Variants in TPST2 observed in about 807,000 individuals in gnomAD.
TPST2 encodes the protein tyrosylprotein sulfotransferase 2.
TPST2 carries 16 observed loss-of-function variants against 27.8 expected under a neutral mutation model. The ratio of observed to expected loss-of-function variants is 0.58; its 90% confidence interval spans 0.39 to 0.88. The LOEUF (loss-of-function observed/expected upper bound fraction) is 0.88. Ranked by LOEUF, TPST2 falls within the 40% of genes least tolerant of loss-of-function variation. The probability of loss-of-function intolerance (pLI) is 0.00; values close to 1 mark genes in which losing one functional copy is unlikely to be tolerated. For missense variants in TPST2, 464 were observed against 543.1 expected, an observed-to-expected ratio of 0.85 and a Z score of 1.45; for synonymous variants, 229 against 231.7, an observed-to-expected ratio of 0.99 and a Z score of 0.10.
rs985508736 is a variant in TPST2, at chr22:26,524,436, G to C, written c.*1839C>G. ...ATGGGAGGATCACCTGACCCTAGGAGACCGAGGCTGCAGTGAGCTATGATC... is the reference window on the plus strand; with the variant it reads ...ATGGGAGGATCACCTGACCCTAGGACACCGAGGCTGCAGTGAGCTATGATC... On this transcript the variant is annotated 3_prime_UTR_variant, in exon 7 of 7. Transcript: ENST00000338754. The C allele has an allele frequency of 1.3e-5, 2 of 152,270 alleles. No homozygotes were observed. Among genetic ancestry groups the C allele is most frequent in the Non-Finnish European group, 2.9e-5 (2 of 68,090 alleles). 9.4% of individuals were successfully genotyped at this position (152,270 alleles called of 1,614,324 possible).
intron 1 of TPST2, among the ~76,000 whole-genome samples, chr22:26,566,773 A>G (rs996481728): frequency 1.7e-4 from 26 of 151,990 alleles, no homozygotes; most frequent in Admixed American, 1.7e-3. Flanking sequence ...ATAAACAAAC[A>G]AACAAACAAA....
At chr22:26,572,028 G>A (rs967708091) in intron 1 of TPST2, among the ~76,000 whole-genome samples, 10 of 152,010 alleles carry the variant, frequency 6.6e-5, no homozygotes, top group Non-Finnish European at 1.0e-4. Context: ...ATTTCTTCAC[G>A]TGGCTTAGAG....
rs1165122304 is a variant in TPST2 at position 26,541,579 on chromosome 22, G to A, written c.52C>T (p.Leu18=). Residue 18 remains leucine (L), a synonymous_variant, in exon 3 of 7, where the codon CTG becomes TTG. Transcript: ENST00000338754. This position sits in a 1 kb window ranked among gnomAD's most constrained non-coding sequence, Gnocchi z 5.9. The stretch of plus-strand genomic sequence containing the variant: ...TGTCCCAGCTGAACCGCCAGCACCA[G>A]GACCAGGGCGCAGCCGGCTGCCAGC... The part of the protein sequence containing the change: ...VLLAAGCALV[L]VLAVQLGQQV... The A allele has an allele frequency of 3.7e-6, 6 of 1,606,552 alleles. No individual in the cohort carries two copies. The highest frequency in any genetic ancestry group is 4.2e-6 in the Non-Finnish European group (5 of 1,178,018).
chr22:26,581,050 A>G (rs927044277), intron 1 of TPST2, among the ~76,000 whole-genome samples: 112 of 62,624 alleles, frequency 1.8e-3, no homozygotes, highest in Admixed American at 8.2e-3. Context: ...ACACACACAC[A>G]CACGCACACA....
chr22:26,543,874 T>C (rs760237094), intron 2 of TPST2, among the ~76,000 whole-genome samples: 3 of 152,170 alleles, frequency 2.0e-5, no homozygotes, highest in African/African-American at 7.2e-5. Context: ...GAAAGCAGCC[T>C]GGAACCCACA....
chr22:26,588,295 AC>A (rs1186476834), intron 1 of TPST2, among the ~76,000 whole-genome samples: 2 of 152,218 alleles, frequency 1.3e-5, no homozygotes, highest in African/African-American at 4.8e-5. Context: ...ACCAAAGGCC[AC>A]ATAGTATATG....
At chr22:26,588,520 G>A (rs561595505) in intron 1 of TPST2, among the ~76,000 whole-genome samples, 4 of 152,242 alleles carry the variant, frequency 2.6e-5, no homozygotes, top group African/African-American at 7.2e-5. Context: ...ACTTTAAAAG[G>A]GTGAATTGTA....
intron 1 of TPST2, among the ~76,000 whole-genome samples, chr22:26,570,050 A>T (rs1602296109): frequency 1.2e-5 from 1 of 85,794 alleles, no homozygotes; most frequent in Non-Finnish European, 2.3e-5. Flanking sequence ...AAAGACAGAA[A>T]GAAAGAAAGA....
In TPST2 at chr22:26,536,363, C is replaced by T. The variant is rs1336017552; in HGVS notation, c.966G>A (p.Gln322=). The T allele has an allele frequency of 1.2e-6, 2 of 1,610,918 alleles. No individual in the cohort carries two copies. The highest frequency in any genetic ancestry group is 4.5e-5 in the East Asian group (2 of 44,788). The change falls in exon 4 of 7, where the codon CAG becomes CAA. Residue 322 remains glutamine, a synonymous_variant. Coordinates refer to ENST00000338754, the MANE Select transcript of TPST2 (RefSeq NM_003595.5). ...DMAQIAPMLA[Q]LGYDPYANPP... ...GGTTTGCATAAGGGTCATAGCCGAG[C>T]TGAGCCAGCATGGGGGCGATCTGGG... is the stretch of plus-strand genomic sequence containing the variant.
chr22:26,558,451 C>T (rs1297935589), intron 1 of TPST2, among the ~76,000 whole-genome samples: 3 of 151,804 alleles, frequency 2.0e-5, no homozygotes, highest in African/African-American at 7.3e-5. Context: ...TTAAACAAAA[C>T]AAAACAAAAA....
chr22:26,560,624 T>C, intron 1 of TPST2: 1 of 1,296,394 alleles, frequency 7.7e-7, no homozygotes, highest in Non-Finnish European at 1.1e-6. Flanking sequence ...AGCACCCAGA[T>C]GCTTCAGTCA....
At chr22:26,565,176 G>GT (rs1927320735) in intron 1 of TPST2, 1 of 152,440 alleles carries the variant, frequency 6.6e-6, no homozygotes, top group African/African-American at 2.4e-5. Context: ...GACACAGCTG[G>GT]TAAGTAGTAG....
chr22:26,550,598 G>C (rs1488007340), intron 1 of TPST2: 1 of 985,362 alleles, frequency 1.0e-6, no homozygotes, highest in Non-Finnish European at 1.2e-6. Flanking sequence ...TTACAGAGTG[G>C]CCCTGGAGCA....
At chr22:26,581,387 C>G (rs1039532619) in intron 1 of TPST2, among the ~76,000 whole-genome samples, 19 of 152,186 alleles carry the variant, frequency 1.2e-4, no homozygotes, top group Non-Finnish European at 1.5e-5. Flanking sequence ...GCATGGTCCC[C>G]AAACTTCCAG....
rs539562314 is a variant in TPST2 at position 26,569,020 on chromosome 22, C to T, written c.-161+21033G>A. Among the ~76,000 whole-genome samples the T allele has an allele frequency of 3.9e-5, 6 of 152,144 alleles. No individual in the cohort carries two copies. The East Asian group carries it at 5.8e-4, about 15-fold the overall frequency. On this transcript the variant is annotated intron_variant, in intron 1 of 6. Transcript: ENST00000338754. The stretch of plus-strand genomic sequence containing the variant: ...CTGGGACTACAGGCGCCCACCACCA[C>T]GCTCAGCTAATTTTTCGTATTTTCA...
Position 26,532,623 on chromosome 22 carries a change from C to T in TPST2, c.1092+72G>A. The T allele has an allele frequency of 2.0e-6, 3 of 1,504,462 alleles. No homozygotes were observed. In the South Asian group the frequency reaches 3.4e-5, roughly 17 times the overall value. The allele number at this position is 1,504,462 out of a possible 1,614,324, so 93.2% of individuals were successfully genotyped here. ...CAACCAGAGTGGAGAAGTGACACAT[C>T]TAAGGGCATACAGCCAGATGGTGGT... On this transcript the variant is annotated intron_variant, in intron 5 of 6. Transcript: ENST00000338754.
intron 4 of TPST2, among the ~76,000 whole-genome samples, chr22:26,534,185 T>A (rs1318093906): frequency 6.6e-6 from 1 of 152,128 alleles, no homozygotes; most frequent in Non-Finnish European, 1.5e-5. Context: ...GACGATTTCA[T>A]CAGCATAGAT....
At chr22:26,562,234 C>G (rs1353944320) in intron 1 of TPST2, among the ~76,000 whole-genome samples, 2 of 152,222 alleles carry the variant, frequency 1.3e-5, no homozygotes, top group African/African-American at 4.8e-5. Flanking sequence ...CCCTTTCCCT[C>G]TCTGAGCTCC....
intron 1 of TPST2, among the ~76,000 whole-genome samples, chr22:26,565,018 G>T (rs761176307): frequency 7.9e-5 from 12 of 152,138 alleles, no homozygotes; most frequent in Non-Finnish European, 1.6e-4. Context: ...CCCCCACTGA[G>T]ACTTCATAAT....
Sources: allele counts gnomAD v4.1 joint callset (sites outside exome capture counted in the v4.1 genomes callset), GRCh38; gene constraint gnomAD v4.1.1; non-coding constraint Gnocchi (gnomAD v3.1); transcripts MANE v1.5; gene names NCBI Gene and HGNC (gene_info 2026-07-23, HGNC 2026-07-21).